The following PLEKHA5 variants were observed in gnomAD, a reference collection of about 807,000 sequenced individuals.
PLEKHA5 encodes pleckstrin homology domain containing A5.
PLEKHA5 carries 55 observed loss-of-function variants against 181.9 expected under a neutral mutation model. The ratio of observed to expected loss-of-function variants is 0.30; its 90% CI spans 0.24 to 0.38. The LOEUF (loss-of-function observed/expected upper bound fraction) is 0.38, where lower values mean the gene tolerates loss of function less well. Among genes scored for constraint, PLEKHA5 ranks in the 10% least tolerant of loss-of-function variants. The probability of loss-of-function intolerance (pLI) is 1.00; values close to 1 mark genes in which losing one functional copy is unlikely to be tolerated. For synonymous variants in PLEKHA5, 535 were observed against 529.4 expected (o/e 1.01, Z -0.15); for missense variants, 1,432 against 1,549.5 (o/e 0.92, Z 1.27).
At chr12:19,267,218 C>T (rs2070753703) in intron 8 of PLEKHA5, among the ~76,000 whole-genome samples, 1 of 152,120 alleles carries the variant, frequency 6.6e-6, no homozygotes, top group Non-Finnish European at 1.5e-5. Flanking sequence ...GCAGAAATTT[C>T]ATTTTAAGAG....
At position 19,274,946 on chromosome 12, in the gene PLEKHA5, A is replaced by C. The variant is rs954582671; in HGVS notation, c.1276A>C (p.Ile426Leu). The part of the protein sequence containing the change: ...SMQQLEQWIK[I>L]QKGRGHEEET... ...GCAGCAGTTGGAACAGTGGATTAAA[A>C]TCCAGAAGGGGAGGGGTCATGAAGA... The change falls in exon 11 of 32, where the codon ATC (isoleucine) becomes CTC (leucine). Residue 426 changes from isoleucine to leucine, a missense_variant. Ile to Leu is a conservative substitution (Grantham distance 5, BLOSUM62 2). Transcript: ENST00000429027. 2 of 1,611,932 alleles carry C rather than the reference A, an allele frequency of 1.2e-6. No homozygotes were observed. The highest frequency in any genetic ancestry group is 2.7e-5 in the African/African-American group (2 of 74,898).
rs1484708197 is a variant in PLEKHA5 at position 19,287,559 on chromosome 12, G to A, written c.1863+3G>A. 4 of 1,507,120 alleles carry A rather than the reference G, an allele frequency of 2.7e-6. No homozygotes were observed. Among genetic ancestry groups the A allele is most frequent in the South Asian group, 2.3e-5 (2 of 87,680 alleles). 93.4% of individuals were successfully genotyped at this position (1,507,120 alleles called of 1,614,324 possible). A position where few individuals can be genotyped will look rare whatever the true frequency, so the allele number is the denominator to read the frequency against. The stretch of plus-strand genomic sequence containing the variant: ...CCCAGAGCCTCCAAGGGAAAACGGT[G>A]AGTAATATCTTTATTTACCATACCA... On this transcript the variant is annotated splice_donor_region_variant and intron_variant, in intron 13 of 31. Coordinates refer to ENST00000429027, the MANE Select transcript of PLEKHA5 (RefSeq NM_001256470.2).
intron 10 of PLEKHA5, among the ~76,000 whole-genome samples, chr12:19,272,698 C>T (rs146953458): frequency 0.012 from 1,770 of 152,290 alleles, 33 homozygotes; most frequent in African/African-American, 0.04. Context: ...GATCACGTCA[C>T]TGCACTCCCC....
At chr12:19,191,332 G>A (rs2051068833) in intron 3 of PLEKHA5, among the ~76,000 whole-genome samples, 2 of 152,166 alleles carry the variant, frequency 1.3e-5, no homozygotes, top group South Asian at 4.1e-4. Context: ...AGACCAGTAT[G>A]TAGAAATCAA....
At chr12:19,153,379 C>CTTACA (rs1430435018) in intron 3 of PLEKHA5, 2 of 152,046 alleles carry the variant, frequency 1.3e-5, no homozygotes, top group African/African-American at 4.8e-5. Flanking sequence ...AATGGTAAAT[C>CTTACA]TTACATTGTT....
chr12:19,245,723 CAAAAAAAAAAA>C (rs1177391924), intron 3 of PLEKHA5, among the ~76,000 whole-genome samples: 4 of 50,906 alleles, frequency 7.9e-5, no homozygotes, highest in African/African-American at 3.4e-4. Context: ...GTGAGACTGT[CAAAAAAAAAAA>C]AAAAAAAAAA....
At chr12:19,140,056 G>T (rs554258711) in intron 3 of PLEKHA5, among the ~76,000 whole-genome samples, 2 of 152,294 alleles carry the variant, frequency 1.3e-5, no homozygotes, top group East Asian at 1.9e-4. Flanking sequence ...TCACTCATGT[G>T]TTCTTCCAAT....
chr12:19,247,208 A>T (rs951107093), intron 3 of PLEKHA5, among the ~76,000 whole-genome samples: 8 of 152,220 alleles, frequency 5.3e-5, no homozygotes, highest in Admixed American at 5.2e-4. Flanking sequence ...GCTGTCATAC[A>T]GTTTTAGTTA....
chr12:19,282,991 T>C (rs2152799890), intron 11 of PLEKHA5, among the ~76,000 whole-genome samples: 1 of 151,640 alleles, frequency 6.6e-6, no homozygotes, highest in South Asian at 2.1e-4. Context: ...AGGTCAGGAA[T>C]TCAAGATCAG....
Position 19,269,848 on chromosome 12 carries a change from T to C in PLEKHA5, c.790T>C (p.Leu264=). ...KEMELWMKAM[L]DAALVQTEPV... is the part of the protein sequence containing the mutation. ...AATGGAGTTGTGGATGAAAGCCATG[T>C]TAGATGCTGCCCTAGTACAGACAGA... Residue 264 remains leucine (L), a synonymous_variant, in exon 9 of 32, where the codon TTA becomes CTA. Transcript: ENST00000429027. 6.2e-7 allele frequency: 1 copy of C among 1,604,938 alleles called. No homozygotes were observed. The highest frequency in any genetic ancestry group is 8.5e-7 in the Non-Finnish European group (1 of 1,171,670).
chr12:19,267,259 A>G (rs1592259715), intron 8 of PLEKHA5, among the ~76,000 whole-genome samples: 2 of 152,178 alleles, frequency 1.3e-5, no homozygotes, highest in Admixed American at 1.3e-4. Context: ...CTGGTTAACA[A>G]TGAACATGTT....
chr12:19,172,663 G>A (rs2046185094), intron 3 of PLEKHA5, among the ~76,000 whole-genome samples: 1 of 152,126 alleles, frequency 6.6e-6, no homozygotes, highest in Non-Finnish European at 1.5e-5. Context: ...CATTTACCAG[G>A]CACAGTTCTC....
Position 19,323,457 on chromosome 12 carries a change from C to T in PLEKHA5, c.2448+790C>T, listed in dbSNP as rs1377780670. On this transcript the variant is annotated intron_variant, in intron 20 of 31. Transcript: ENST00000429027. ...GGCAGAGGTTGCAGTGAGCTGAGAT[C>T]GCGCCATTACGTTCCAGCCTGGGCA... Among the ~76,000 whole-genome samples, 4 of 152,082 alleles carry T rather than the reference C, an allele frequency of 2.6e-5. No homozygotes were observed. The South Asian group carries it at 6.2e-4, about 24-fold the overall frequency.
At chr12:19,318,794 A>G (rs2089865839) in intron 16 of PLEKHA5, among the ~76,000 whole-genome samples, 1 of 152,060 alleles carries the variant, frequency 6.6e-6, no homozygotes, top group South Asian at 2.1e-4. Flanking sequence ...ATGATGGTGC[A>G]CGTATAATCC....
At position 19,274,685 on chromosome 12, in the gene PLEKHA5, G is replaced by C. The variant is rs1335489924; in HGVS notation, c.1015G>C (p.Gly339Arg). The C allele has an allele frequency of 6.2e-7, 1 of 1,613,894 alleles. No individual in the cohort carries two copies. Among genetic ancestry groups the C allele is most frequent in the Admixed American group, 1.7e-5 (1 of 59,994 alleles). ...EAEKYGFQKD[G>R]QDRPLTKINS... Reference sequence around the variant, plus strand: ...TGAAAAATATGGATTTCAGAAGGATGGTCAAGATAGACCCTTAACAAAAAT... The same window carrying C: ...TGAAAAATATGGATTTCAGAAGGATCGTCAAGATAGACCCTTAACAAAAAT... Residue 339 changes from glycine (G) to arginine (R), a missense_variant, in exon 11 of 32, where the codon GGT becomes CGT. Gly to Arg is a moderately radical substitution (Grantham distance 125). Transcript: ENST00000429027.
rs376204923 is a variant in PLEKHA5 at position 19,323,815 on chromosome 12, C to CA, written c.2448+1165dup. Among the ~76,000 whole-genome samples, 673 of 115,982 alleles carry CA rather than the reference C, an allele frequency of 5.8e-3. 10 individuals carry two copies. In the East Asian group the frequency reaches 0.064, roughly 11 times the overall value. The allele number at this position is 115,982 out of a possible 152,430, so 76.1% of individuals were successfully genotyped here. A position where few individuals can be genotyped will look rare whatever the true frequency, so the allele number is the denominator to read the frequency against. On this transcript the variant is annotated intron_variant, in intron 20 of 31. Coordinates refer to ENST00000429027, the MANE Select transcript of PLEKHA5 (RefSeq NM_001256470.2). Reference sequence around the variant, plus strand: ...TGGGCAACAGAGTGAGACTCTGTTTCAAAAAAAAAAAAAAAAAGAAAGAAA... The same window carrying CA: ...TGGGCAACAGAGTGAGACTCTGTTTCAAAAAAAAAAAAAAAAAAGAAAGAAA...
In PLEKHA5 at chr12:19,340,113, A is replaced by G. The variant is rs771581992; in HGVS notation, c.2551-3210A>G. 6.8e-4 allele frequency among the ~76,000 whole-genome samples: 104 copies of G among 152,302 alleles called. No individual in the cohort carries two copies. In the Middle Eastern group the frequency reaches 0.01, roughly 15 times the overall value. On this transcript the variant is annotated intron_variant, in intron 21 of 31. Coordinates refer to ENST00000429027, the MANE Select transcript of PLEKHA5 (RefSeq NM_001256470.2). ...TACCCTCAATGAAGGCAACATAGAC[A>G]GAGTAAAAAGATGACCTACTGGGAG...
intron 3 of PLEKHA5, among the ~76,000 whole-genome samples, chr12:19,175,896 G>A (rs922152441): frequency 6.6e-6 from 1 of 152,104 alleles, no homozygotes; most frequent in Non-Finnish European, 1.5e-5. Flanking sequence ...AACCAACAAA[G>A]TTTCACAATC....
intron 3 of PLEKHA5, among the ~76,000 whole-genome samples, chr12:19,161,870 C>T (rs2043049261): frequency 1.3e-5 from 2 of 152,090 alleles, no homozygotes; most frequent in Admixed American, 6.6e-5. Flanking sequence ...TATGTGGATG[C>T]CAACTTCAAA....
Sources: gnomAD v4.1 joint callset for allele counts (sites outside exome capture counted in the v4.1 genomes callset) on GRCh38, gnomAD v4.1.1 for gene constraint, MANE v1.5 for transcripts, NCBI Gene and HGNC (gene_info 2026-07-23, HGNC 2026-07-21) for gene names.